The following HHIP variants were observed in gnomAD, a reference collection of about 807,000 sequenced individuals.
HHIP encodes hedgehog interacting protein.
A neutral mutation model predicts 74.0 loss-of-function variants in HHIP; 12 were observed. The observed-to-expected ratio is 0.16, with a 90% confidence interval of 0.10 to 0.26. The LOEUF is 0.26. Ranked by LOEUF, HHIP falls within the 10% of genes least tolerant of loss-of-function variation. HHIP has a pLI of 1.00. For synonymous variants in HHIP, 309 were observed against 311.6 expected, an observed-to-expected ratio of 0.99 and a Z score of 0.09; for missense variants, 788 against 845.0, an observed-to-expected ratio of 0.93 and a Z score of 0.84.
At position 144,708,283 on chromosome 4, in the gene HHIP, T is replaced by C; in HGVS notation, c.1273T>C (p.Phe425Leu). The change falls in exon 7 of 13, where the codon TTT becomes CTT. Residue 425 changes from phenylalanine (F) to leucine (L), a missense_variant. Transcript: ENST00000296575. ...FNSTNQPPEV[F>L]AHGLHDPGRC... ...CAGCACCAACCAGCCCCCCGAAGTG[T>C]TTGCTCATGGGCTCCACGATCCAGG... The C allele has an allele frequency of 6.2e-6, 10 of 1,614,066 alleles. No homozygotes were observed. The highest frequency in any genetic ancestry group is 8.5e-6 in the Non-Finnish European group (10 of 1,180,002).
At chr4:144,696,679 G>C (rs577223838) in intron 4 of HHIP, among the ~76,000 whole-genome samples, 2 of 152,084 alleles carry the variant, frequency 1.3e-5, no homozygotes, top group Admixed American at 6.6e-5. Flanking sequence ...TTTGGGGCAA[G>C]TTACTCAATT....
intron 11 of HHIP, among the ~76,000 whole-genome samples, chr4:144,731,775 A>G (rs1730962651): frequency 6.6e-6 from 1 of 152,198 alleles, no homozygotes; most frequent in Admixed American, 6.5e-5. Flanking sequence ...CCTAGTTCCT[A>G]TGAATATGAA....
At chr4:144,689,012 T>G (rs1342979056) in intron 4 of HHIP, among the ~76,000 whole-genome samples, 2 of 152,204 alleles carry the variant, frequency 1.3e-5, no homozygotes, top group East Asian at 3.8e-4. Context: ...CACAGATAAA[T>G]ATCTTCCCAA....
chr4:144,718,611 T>G (rs1033487264), intron 10 of HHIP, among the ~76,000 whole-genome samples: 4 of 152,170 alleles, frequency 2.6e-5, no homozygotes, highest in Non-Finnish European at 5.9e-5. Context: ...GGGAGCTCAG[T>G]TAGACAGCTG....
chr4:144,684,440 T>G (rs912177563), intron 4 of HHIP, among the ~76,000 whole-genome samples: 3 of 150,474 alleles, frequency 2.0e-5, no homozygotes, highest in Non-Finnish European at 4.4e-5. Context: ...TTTATTTTTA[T>G]TTTTTATTTT....
chr4:144,649,186 T>C (rs1250662999), intron 1 of HHIP, among the ~76,000 whole-genome samples: 1 of 152,004 alleles, frequency 6.6e-6, no homozygotes, highest in African/African-American at 2.4e-5. Flanking sequence ...ATAATGTGTA[T>C]ACAGGAGAGA....
rs1730853121 is a variant in HHIP, at chr4:144,728,239, T to TA, written c.1761-6499dup. Among the ~76,000 whole-genome samples the TA allele has an allele frequency of 2.0e-5, 3 of 152,296 alleles. No individual in the cohort carries two copies. In the East Asian group the frequency reaches 5.8e-4, roughly 29 times the overall value. On this transcript the variant is annotated intron_variant, in intron 11 of 12. Transcript: ENST00000296575. ...ACTCAGTTTCAAACTGCCTAGGTAT[T>TA]AAAGCCAAGTAACACTGTTTCTTAG... is the stretch of plus-strand genomic sequence containing the variant.
intron 4 of HHIP, among the ~76,000 whole-genome samples, chr4:144,660,437 C>T (rs1728681499): frequency 6.6e-6 from 1 of 152,126 alleles, no homozygotes; most frequent in Non-Finnish European, 1.5e-5. Flanking sequence ...ACAAGAGTGA[C>T]ACAGTATAAC....
At chr4:144,664,210 G>A (rs933911293) in intron 4 of HHIP, among the ~76,000 whole-genome samples, 2 of 152,302 alleles carry the variant, frequency 1.3e-5, no homozygotes, top group East Asian at 1.9e-4. Flanking sequence ...TTAACCAGGG[G>A]AGGAGAGGAC....
intron 4 of HHIP, among the ~76,000 whole-genome samples, chr4:144,699,764 T>A (rs958809330): frequency 3.9e-5 from 6 of 151,946 alleles, no homozygotes; most frequent in African/African-American, 1.5e-4. Flanking sequence ...TTTTTTTTTT[T>A]AATATATCAC....
intron 11 of HHIP, among the ~76,000 whole-genome samples, chr4:144,733,956 A>G (rs78534262): frequency 0.049 from 7,482 of 152,190 alleles, 221 homozygotes; most frequent in African/African-American, 0.083. Context: ...GACTTTTTAC[A>G]CTGCAAATAA....
Position 144,706,511 on chromosome 4 carries a change from T to C in HHIP, c.832-20T>C, listed in dbSNP as rs1730150453. ...ACATAATTAACTTTACAATTCTTTG[T>C]GTTTTTCATTTGACTGCAGGGAGGA... On this transcript the variant is annotated intron_variant, in intron 4 of 12. Transcript: ENST00000296575. 2 of 1,577,936 alleles carry C rather than the reference T, an allele frequency of 1.3e-6. No individual in the cohort carries two copies. Among genetic ancestry groups the C allele is most frequent in the Non-Finnish European group, 1.7e-6 (2 of 1,162,622 alleles).
intron 11 of HHIP, among the ~76,000 whole-genome samples, chr4:144,729,532 A>T (rs1431462015): frequency 6.6e-6 from 1 of 152,226 alleles, no homozygotes; most frequent in East Asian, 1.9e-4. Flanking sequence ...TTTGTTAAAG[A>T]TTCAAAATCA....
rs1332321689 is a variant in HHIP, at chr4:144,704,366, T to C, written c.832-2165T>C. On this transcript the variant is annotated intron_variant, in intron 4 of 12. Coordinates refer to ENST00000296575, the MANE Select transcript of HHIP (RefSeq NM_022475.3). Reference sequence around the variant, plus strand: ...TTAAATTGCTTTTTTGATTTATTTCTCTGTCATTCACATGTCTCATTCTGT... The same window carrying C: ...TTAAATTGCTTTTTTGATTTATTTCCCTGTCATTCACATGTCTCATTCTGT... Among the ~76,000 whole-genome samples, 3 of 152,220 alleles carry C rather than the reference T, an allele frequency of 2.0e-5. No homozygotes were observed. The East Asian group carries it at 5.8e-4, about 29-fold the overall frequency.
intron 1 of HHIP, among the ~76,000 whole-genome samples, chr4:144,649,851 C>A (rs548815608): frequency 1.1e-4 from 16 of 152,246 alleles, no homozygotes; most frequent in African/African-American, 3.8e-4. Context: ...ATCCTGGGGT[C>A]CCTTTAACAG....
intron 4 of HHIP, among the ~76,000 whole-genome samples, chr4:144,674,236 C>T (rs553152428): frequency 4.1e-4 from 63 of 152,288 alleles, no homozygotes; most frequent in Admixed American, 1.3e-3. Context: ...AGAGCTGTAT[C>T]CCACACACAG....
intron 4 of HHIP, among the ~76,000 whole-genome samples, chr4:144,666,903 A>G (rs1403842603): frequency 6.6e-6 from 1 of 152,190 alleles, no homozygotes; most frequent in Non-Finnish European, 1.5e-5. Context: ...CACACCTAAT[A>G]TTTTGCATGC....
intron 4 of HHIP, among the ~76,000 whole-genome samples, chr4:144,667,469 G>A (rs1323206883): frequency 6.6e-6 from 1 of 152,162 alleles, no homozygotes; most frequent in African/African-American, 2.4e-5. Flanking sequence ...AGTTATTGAC[G>A]CATGTGGACT....
At chr4:144,674,618 A>G (rs1729127144) in intron 4 of HHIP, among the ~76,000 whole-genome samples, 1 of 152,214 alleles carries the variant, frequency 6.6e-6, no homozygotes, top group Non-Finnish European at 1.5e-5. Context: ...CGAATAAATC[A>G]ATTAAAAAAT....
Sources: gnomAD v4.1 joint callset for allele counts (sites outside exome capture counted in the v4.1 genomes callset) on GRCh38, gnomAD v4.1.1 for gene constraint, MANE v1.5 for transcripts, NCBI Gene and HGNC (gene_info 2026-07-23, HGNC 2026-07-21) for gene names.